The following CCSER1 variants were observed in gnomAD, a reference collection of about 807,000 sequenced individuals.
The protein encoded by CCSER1 is serine-rich coiled-coil domain-containing protein 1.
In CCSER1, 41 loss-of-function variants were observed where a neutral mutation model predicts 82.0. The ratio of observed to expected loss-of-function variants is 0.50; its 90% CI spans 0.39 to 0.65. The LOEUF is 0.65. Among genes scored for constraint, CCSER1 ranks in the 30% least tolerant of loss-of-function variants. The pLI, the probability that CCSER1 is intolerant of heterozygous loss-of-function variation, is 0.00. For synonymous variants in CCSER1, 414 were observed against 383.9 expected (o/e 1.08, Z -0.92); for missense variants, 1,119 against 1,064.2 (o/e 1.05, Z -0.72).
At chr4:91,167,456 T>C (rs1009475431) in intron 10 of CCSER1, among the ~76,000 whole-genome samples, 2 of 152,134 alleles carry the variant, frequency 1.3e-5, no homozygotes, top group African/African-American at 4.8e-5. Flanking sequence ...AGTGCTGGGA[T>C]TACAGGCATG....
rs536402295 is a variant in CCSER1 at position 90,933,132 on chromosome 4, AGTGTGTGTGT to A, written c.2172+9727_2172+9736del. 6.0e-3 allele frequency among the ~76,000 whole-genome samples: 424 copies of A among 70,164 alleles called. 7 individuals are homozygous for A. The highest frequency in any genetic ancestry group is 0.013 in the East Asian group (32 of 2,398). The allele number at this position is 70,164 out of a possible 152,430, so 46.0% of individuals were successfully genotyped here. A position where few individuals can be genotyped will look rare whatever the true frequency, so the allele number is the denominator to read the frequency against. ...TGTTGTTCCAAAAATGTTACCTAGA[AGTGTGTGTGT>A]GTGTGTGTGTGTGTGTGTGTGTGTG... On this transcript the variant is annotated intron_variant, in intron 9 of 10. Transcript: ENST00000509176.
At chr4:91,311,742 CTT>C (rs763990353) in intron 10 of CCSER1, among the ~76,000 whole-genome samples, 9 of 152,050 alleles carry the variant, frequency 5.9e-5, no homozygotes, top group Non-Finnish European at 1.3e-4. Flanking sequence ...ATGAATTTAG[CTT>C]ACATATTTGC....
intron 7 of CCSER1, among the ~76,000 whole-genome samples, chr4:90,763,897 T>G (rs566304504): frequency 6.6e-6 from 1 of 152,330 alleles, no homozygotes; most frequent in Non-Finnish European, 1.5e-5. Flanking sequence ...ATTTCTCAAA[T>G]GTTTTCTTAT....
At chr4:90,157,135 C>G (rs1302952578) in intron 1 of CCSER1, among the ~76,000 whole-genome samples, 2 of 152,110 alleles carry the variant, frequency 1.3e-5, no homozygotes, top group African/African-American at 4.8e-5. Flanking sequence ...ACTTATGAAA[C>G]TTAGTTTGGC....
At chr4:90,184,841 A>G (rs779587050) in intron 1 of CCSER1, among the ~76,000 whole-genome samples, 7 of 152,048 alleles carry the variant, frequency 4.6e-5, no homozygotes, top group Admixed American at 1.3e-4. Context: ...TTCCATACCT[A>G]AAGGAATAGT....
chr4:90,931,430 A>G (rs1729800843), intron 9 of CCSER1, among the ~76,000 whole-genome samples: 1 of 152,172 alleles, frequency 6.6e-6, no homozygotes, highest in Non-Finnish European at 1.5e-5. Context: ...CTTGGTACAT[A>G]TTAATATAAA....
chr4:91,265,437 G>C (rs568428260), intron 10 of CCSER1, among the ~76,000 whole-genome samples: 1 of 151,874 alleles, frequency 6.6e-6, no homozygotes, highest in East Asian at 2.0e-4. Context: ...ATATGTTCCT[G>C]TCAAACTTTA....
intron 4 of CCSER1, among the ~76,000 whole-genome samples, chr4:90,412,741 TA>T (rs1755084425): frequency 6.6e-6 from 1 of 152,138 alleles, no homozygotes; most frequent in African/African-American, 2.4e-5. Flanking sequence ...AAAATCGGCA[TA>T]GAAGGGACAT....
At chr4:90,726,528 G>A (rs1178406535) in intron 7 of CCSER1, among the ~76,000 whole-genome samples, 1 of 151,940 alleles carries the variant, frequency 6.6e-6, no homozygotes, top group Admixed American at 6.6e-5. Flanking sequence ...GTTCAGTCTT[G>A]TTTGGGATCA....
chr4:90,365,815 G>A (rs925617959), intron 3 of CCSER1, among the ~76,000 whole-genome samples: 1 of 151,732 alleles, frequency 6.6e-6, no homozygotes, highest in Non-Finnish European at 1.5e-5. Context: ...AATCATAATC[G>A]ATAAGTGAGC....
intron 5 of CCSER1, among the ~76,000 whole-genome samples, chr4:90,619,229 T>G (rs1459299200): frequency 6.6e-6 from 1 of 152,018 alleles, no homozygotes; most frequent in Non-Finnish European, 1.5e-5. Context: ...TGAGATTTTG[T>G]TAAACTCATT....
chr4:91,127,946 G>A (rs185826472), intron 10 of CCSER1, among the ~76,000 whole-genome samples: 3 of 112,146 alleles, frequency 2.7e-5, no homozygotes, highest in African/African-American at 1.0e-4. Flanking sequence ...CATTGCACTG[G>A]GACACTCCCA....
intron 6 of CCSER1, among the ~76,000 whole-genome samples, chr4:90,713,222 G>A (rs183451802): frequency 7.2e-5 from 11 of 151,838 alleles, no homozygotes; most frequent in Admixed American, 6.6e-4. Context: ...TTGTTTAGGT[G>A]GTAGCTTCTT....
chr4:91,595,943 T>TAAAAAAAAAAAAAAAAAAAAAAACAAAA (rs1764549579), intron 10 of CCSER1, among the ~76,000 whole-genome samples: 1 of 78,888 alleles, frequency 1.3e-5, no homozygotes, highest in Non-Finnish European at 2.3e-5. Context: ...ACAGAGAACT[T>TAAAAAAAAAAAAAAAAAAAAAAACAAAA]AAAAAAAAAA....
chr4:90,778,309 A>G (rs865886743), intron 7 of CCSER1, among the ~76,000 whole-genome samples: 9 of 152,268 alleles, frequency 5.9e-5, no homozygotes, highest in Admixed American at 2.0e-4. Flanking sequence ...CTATCCTTGT[A>G]TTCACAACTC....
At chr4:90,398,506 G>A (rs1752360316) in intron 3 of CCSER1, among the ~76,000 whole-genome samples, 1 of 152,206 alleles carries the variant, frequency 6.6e-6, no homozygotes, top group Non-Finnish European at 1.5e-5. Flanking sequence ...ACTCACATCA[G>A]TGTCTTCACA....
intron 10 of CCSER1, among the ~76,000 whole-genome samples, chr4:91,573,624 G>C (rs1274165144): frequency 6.6e-6 from 1 of 152,162 alleles, no homozygotes; most frequent in African/African-American, 2.4e-5. Flanking sequence ...TCCCAGAGTT[G>C]GGGAGGTTTC....
At chr4:90,259,315 T>C (rs1026291928) in intron 1 of CCSER1, among the ~76,000 whole-genome samples, 18 of 152,322 alleles carry the variant, frequency 1.2e-4, no homozygotes, top group Middle Eastern at 3.4e-3. Flanking sequence ...TATACATTGA[T>C]TTTGTAATGT....
chr4:90,952,844 G>C (rs1733054942), intron 9 of CCSER1, among the ~76,000 whole-genome samples: 1 of 151,832 alleles, frequency 6.6e-6, no homozygotes, highest in Non-Finnish European at 1.5e-5. Flanking sequence ...CTCCCACTAG[G>C]CTCCAGAAGA....
Sources: allele counts gnomAD v4.1 joint callset (sites outside exome capture counted in the v4.1 genomes callset), GRCh38; gene constraint gnomAD v4.1.1; transcripts MANE v1.5; gene names NCBI Gene and HGNC (gene_info 2026-07-23, HGNC 2026-07-21).